Variants in RPS6KB2 observed in about 807,000 individuals in gnomAD.
RPS6KB2 encodes ribosomal protein S6 kinase B2, also known as ribosomal protein S6 kinase beta-2.
Under a neutral mutation model 58.2 loss-of-function variants are expected in RPS6KB2, and 51 were observed. That is an observed-to-expected ratio of 0.88 (90% confidence interval 0.70 to 1.11). The LOEUF is 1.11. Ranked by LOEUF, RPS6KB2 falls within the 50% of genes least tolerant of loss-of-function variation. The pLI is 0.00. For synonymous variants in RPS6KB2, 293 were observed against 258.6 expected (o/e 1.13, Z -1.28); for missense variants, 671 against 655.8 (o/e 1.02, Z -0.25).
At chr11:67,429,942 T>G in intron 4 of RPS6KB2, 1 of 202,962 alleles carries the variant, frequency 4.9e-6, no homozygotes. Flanking sequence ...GACTCCGGAG[T>G]AGCTGGGATT....
chr11:67,429,639 C>T lies in RPS6KB2; in HGVS notation c.309+44C>T, dbSNP rs748335158. On this transcript the variant is annotated intron_variant, in intron 4 of 14. Coordinates refer to ENST00000312629, the MANE Select transcript of RPS6KB2 (RefSeq NM_003952.3). ...CAACGAATACTGTGTGGCTGCCATT[C>T]CCAACATGCTGTACCAGGCTTTGGG... 198 of 1,458,116 alleles carry T rather than the reference C, an allele frequency of 1.4e-4. 1 individual carries two copies. Among genetic ancestry groups the T allele is most frequent in the Non-Finnish European group, 1.6e-4 (164 of 1,050,284 alleles). 90.3% of individuals were successfully genotyped at this position (1,458,116 alleles called of 1,614,324 possible).
In RPS6KB2 at chr11:67,429,191, C is replaced by G; in HGVS notation, c.191C>G (p.Pro64Arg). ...SVNVGPERIGPHCFELLRVLG... is the reference protein window; with the variant it reads ...SVNVGPERIGRHCFELLRVLG... Reference sequence around the variant, plus strand: ...AACGTTGGCCCAGAGCGCATCGGGCCCCACTGCTTTGAGCTGCTGCGTGTG... The same window carrying G: ...AACGTTGGCCCAGAGCGCATCGGGCGCCACTGCTTTGAGCTGCTGCGTGTG... The change falls in exon 3 of 15, where the codon CCC becomes CGC. Residue 64 changes from proline (P) to arginine (R), a missense_variant. Transcript: ENST00000312629. The G allele has an allele frequency of 6.2e-7, 1 of 1,613,736 alleles. No homozygotes were observed. Among genetic ancestry groups the G allele is most frequent in the South Asian group, 1.1e-5 (1 of 91,082 alleles).
At position 67,434,419 on chromosome 11, in the gene RPS6KB2, C is replaced by G. The variant is rs375350949; in HGVS notation, c.1090C>G (p.Arg364Gly). ...DVSQFDTRFTRQTPVDSPDDT... is the reference protein window; with the variant it reads ...DVSQFDTRFTGQTPVDSPDDT... ...GAGCCAGTTTGATACCCGCTTCACA[C>G]GGCAGACGCCGGTGGACAGTCCTGA... is the stretch of plus-strand genomic sequence containing the variant. Residue 364 changes from arginine to glycine, a missense_variant, in exon 13 of 15, where the codon CGG (arginine) becomes GGG (glycine). By Grantham distance (125) the Arg-to-Gly change is moderately radical (BLOSUM62 -2). Transcript: ENST00000312629. 6.2e-7 allele frequency: 1 copy of G among 1,613,090 alleles called. No individual in the cohort carries two copies. The highest frequency in any genetic ancestry group is 8.5e-7 in the Non-Finnish European group (1 of 1,179,998).
intron 10 of RPS6KB2, 141 bp from the exon 11 acceptor site, chr11:67,433,854 C>T: frequency 1.1e-6 from 1 of 915,996 alleles, no homozygotes; most frequent in Non-Finnish European, 1.7e-6. Context: ...CCTTGAAAGC[C>T]CTGAGGGTAT....
At position 67,429,224 on chromosome 11, in the gene RPS6KB2, A is replaced by G. The variant is rs2135114401; in HGVS notation, c.224A>G (p.Lys75Arg). Residue 75 changes from lysine (K) to arginine (R), a missense_variant, in exon 3 of 15, where the codon AAG (lysine) becomes AGG (arginine). By Grantham distance (26) the Lys-to-Arg change is conservative. Coordinates refer to ENST00000312629, the MANE Select transcript of RPS6KB2 (RefSeq NM_003952.3). ...HCFELLRVLG[K>R]GGYGKVFQVR... ...TTTGAGCTGCTGCGTGTGCTGGGCA[A>G]GGGGGGCTATGGCAAGGTAGGGGCG... 3 of 1,613,362 alleles carry G rather than the reference A, an allele frequency of 1.9e-6. No homozygotes were observed. The highest frequency in any genetic ancestry group is 2.7e-5 in the African/African-American group (2 of 75,034).
chr11:67,433,903 T>C, intron 10 of RPS6KB2, 92 bp from the exon 11 acceptor site: 2 of 1,410,160 alleles, frequency 1.4e-6, no homozygotes, highest in South Asian at 2.3e-5. Context: ...TTCTCTCCCA[T>C]GTCACCTGAC....
chr11:67,433,054 C>G lies in RPS6KB2; in HGVS notation c.707+12C>G. The G allele has an allele frequency of 6.2e-7, 1 of 1,613,106 alleles. No individual in the cohort carries two copies. On this transcript the variant is annotated intron_variant, in intron 8 of 14. Transcript: ENST00000312629. ...ACCATTGAGTACATGTAAGTGGCAC[C>G]TGGCTGGCCCAGGGGTCGGGAGGAC...
Position 67,434,442 on chromosome 11 carries a change from T to C in RPS6KB2, c.1113T>C (p.Pro371=). 1 of 1,613,018 alleles carries C rather than the reference T, an allele frequency of 6.2e-7. No individual in the cohort carries two copies. Among genetic ancestry groups the C allele is most frequent in the East Asian group, 2.2e-5 (1 of 44,890 alleles). ...CACGGCAGACGCCGGTGGACAGTCC[T>C]GATGACACAGCCCTCAGCGAGAGTG... ...RFTRQTPVDS[P]DDTALSESAN... The change falls in exon 13 of 15, where the codon CCT becomes CCC. Residue 371 remains proline, a synonymous_variant. Coordinates refer to ENST00000312629, the MANE Select transcript of RPS6KB2 (RefSeq NM_003952.3).
At chr11:67,428,751 C>A in intron 1 of RPS6KB2, 128 bp downstream of exon 1, 3 of 983,816 alleles carry the variant, frequency 3.0e-6, no homozygotes, top group Non-Finnish European at 3.1e-6. Flanking sequence ...TTCTCAGATC[C>A]CGGTCTCTAT....
At chr11:67,429,777 T>C (rs977821921) in intron 4 of RPS6KB2, 182 bp downstream of exon 4, 3 of 593,352 alleles carry the variant, frequency 5.1e-6, no homozygotes, top group African/African-American at 3.7e-5. Context: ...CAATTTTGAC[T>C]CCCAGCAGAC....
At chr11:67,428,943 T>C in intron 1 of RPS6KB2, 39 bp from the exon 2 acceptor site, 2 of 1,613,732 alleles carry the variant, frequency 1.2e-6, no homozygotes, top group Non-Finnish European at 1.7e-6. Flanking sequence ...GGAGGTATCC[T>C]GGCACCTTCC....
At position 67,435,198 on chromosome 11, in the gene RPS6KB2, T is replaced by G. The variant is rs1163815102; in HGVS notation, c.*29T>G. 6.6e-7 allele frequency: 1 copy of G among 1,514,508 alleles called. No individual in the cohort carries two copies. Among genetic ancestry groups the G allele is most frequent in the South Asian group, 1.2e-5 (1 of 82,052 alleles). The allele number at this position is 1,514,508 out of a possible 1,614,324, so 93.8% of individuals were successfully genotyped here. ...GCCGGGTGGGGGTGAGGGTAGCCCTTGAGCCCTGTCCCTGCGGCTGTGAGA... is the reference window on the plus strand; with the variant it reads ...GCCGGGTGGGGGTGAGGGTAGCCCTGGAGCCCTGTCCCTGCGGCTGTGAGA... On this transcript the variant is annotated 3_prime_UTR_variant, in exon 15 of 15. Coordinates refer to ENST00000312629, the MANE Select transcript of RPS6KB2 (RefSeq NM_003952.3).
At position 67,432,841 on chromosome 11, in the gene RPS6KB2, C is replaced by T. The variant is rs372182879; in HGVS notation, c.616+4C>T. On this transcript the variant is annotated splice_donor_region_variant and intron_variant, in intron 7 of 14. Transcript: ENST00000312629. ...AACATCATGCTCAGCAGCCAGGGTG[C>T]GCATGTGTGTGCGGGCAGCTGCAGG... The T allele has an allele frequency of 5.9e-5, 95 of 1,613,008 alleles. No individual in the cohort carries two copies. The highest frequency in any genetic ancestry group is 1.6e-4 in the East Asian group (7 of 44,876).
At position 67,431,405 on chromosome 11, in the gene RPS6KB2, C is replaced by G; in HGVS notation, c.347C>G (p.Thr116Arg). ...IVRNAKDTAH[T>R]RAERNILESV... ...CGCAATGCCAAGGACACAGCACACA[C>G]ACGGGCTGAGCGGAACATTCTAGAG... The change falls in exon 5 of 15, where the codon ACA (threonine) becomes AGA (arginine). Residue 116 changes from threonine (T) to arginine (R), a missense_variant. By Grantham distance (71) the Thr-to-Arg change is moderately conservative. Coordinates refer to ENST00000312629, the MANE Select transcript of RPS6KB2 (RefSeq NM_003952.3). 1 of 1,614,136 alleles carries G rather than the reference C, an allele frequency of 6.2e-7. No individual in the cohort carries two copies. The highest frequency in any genetic ancestry group is 1.1e-5 in the South Asian group (1 of 91,084).
At chr11:67,433,543 C>A in intron 10 of RPS6KB2, 96 bp downstream of exon 10, 1 of 933,092 alleles carries the variant, frequency 1.1e-6, no homozygotes, top group Non-Finnish European at 1.7e-6. Context: ...GCCACCCCGG[C>A]CTGTGCAGTT....
chr11:67,428,761 TTA>T, intron 1 of RPS6KB2, 138 bp downstream of exon 1: 1 of 956,006 alleles, frequency 1.0e-6, no homozygotes. Context: ...CCGGTCTCTA[TTA>T]AGTTCTGATC....
intron 3 of RPS6KB2, 45 bp downstream of exon 3, chr11:67,429,285 G>A (rs1320434049): frequency 6.2e-7 from 1 of 1,607,482 alleles, no homozygotes; most frequent in South Asian, 1.1e-5. Context: ...GCCTCCATCT[G>A]GAGGCAGCAA....
At position 67,434,650 on chromosome 11, in the gene RPS6KB2, G is replaced by A. The variant is rs747764396; in HGVS notation, c.1224G>A (p.Leu408=). 6.2e-7 allele frequency: 1 copy of A among 1,610,754 alleles called. No homozygotes were observed. Among genetic ancestry groups the A allele is most frequent in the Non-Finnish European group, 8.5e-7 (1 of 1,179,338 alleles). The part of the protein sequence containing the change: ...IKEGFSFQPK[L]RSPRRLNSSP... ...AGGGCTTCTCCTTCCAGCCCAAGCT[G>A]CGCTCACCCAGGCGCCTCAACAGTA... is the stretch of plus-strand genomic sequence containing the variant. The change falls in exon 14 of 15, where the codon CTG becomes CTA. Residue 408 remains leucine (L), a synonymous_variant. Coordinates refer to ENST00000312629, the MANE Select transcript of RPS6KB2 (RefSeq NM_003952.3).
intron 5 of RPS6KB2, 180 bp downstream of exon 5, chr11:67,431,695 G>T (rs1864027818): frequency 1.7e-6 from 1 of 601,520 alleles, no homozygotes; most frequent in Non-Finnish European, 2.9e-6. Context: ...CATTCATTCA[G>T]CAAACGTCTG....
Sources: gnomAD v4.1 joint callset for allele counts on GRCh38, gnomAD v4.1.1 for gene constraint, MANE v1.5 for transcripts, NCBI Gene and HGNC (gene_info 2026-07-23, HGNC 2026-07-21) for gene names.